TRIM32: variants seen among roughly 807,000 people sequenced by gnomAD.
TRIM32 encodes E3 ubiquitin-protein ligase TRIM32.
In TRIM32, 19 loss-of-function variants were observed where a neutral mutation model predicts 36.0. The ratio of observed to expected loss-of-function variants is 0.53; its 90% CI spans 0.37 to 0.77. The LOEUF is 0.77. Ranked by LOEUF, TRIM32 falls within the 30% of genes least tolerant of loss-of-function variation. TRIM32 has a pLI of 0.00. For missense variants in TRIM32, 747 were observed against 845.2 expected, an observed-to-expected ratio of 0.88 and a Z score of 1.44; for synonymous variants, 309 against 318.5, an observed-to-expected ratio of 0.97 and a Z score of 0.32.
intron 1 of TRIM32, among the ~76,000 whole-genome samples, chr9:116,696,950 T>TAAAAAAAAAAAA (rs11400163): frequency 7.3e-6 from 1 of 137,124 alleles, no homozygotes; most frequent in African/African-American, 2.7e-5. Context: ...GTGACATGAT[T>TAAAAAAAAAAAA]AAAAAAAAAA....
At position 116,701,272 on chromosome 9, in the gene TRIM32, A is replaced by G. The variant is rs1407071370; in HGVS notation, c.*1568A>G. The stretch of plus-strand genomic sequence containing the variant: ...CATAATAGCTGCCAAAGGATAGGTA[A>G]AGAGGTCATTAAAATGATGTTGAAC... On this transcript the variant is annotated 3_prime_UTR_variant, in exon 2 of 2. Coordinates refer to ENST00000450136, the MANE Select transcript of TRIM32 (RefSeq NM_012210.4). 6.0e-6 allele frequency: 1 copy of G among 167,082 alleles called. No individual in the cohort carries two copies. The highest frequency in any genetic ancestry group is 1.5e-5 in the Non-Finnish European group (1 of 68,128). The allele number at this position is 167,082 out of a possible 1,614,324, so 10.3% of individuals were successfully genotyped here. A position where few individuals can be genotyped will look rare whatever the true frequency, so the allele number is the denominator to read the frequency against.
Position 116,699,163 on chromosome 9 carries a change from G to A in TRIM32, c.1421G>A (p.Gly474Asp). Reference sequence around the variant, plus strand: ...AGGAGCCAGCTGAGCAAACCATGGGGTATCACAGCCTTGCCATCTGGCCAG... The same window carrying A: ...AGGAGCCAGCTGAGCAAACCATGGGATATCACAGCCTTGCCATCTGGCCAG... ...CHRSQLSKPW[G>D]ITALPSGQFV... The change falls in exon 2 of 2, where the codon GGT becomes GAT. Residue 474 changes from glycine (G) to aspartate (D), a missense_variant. Transcript: ENST00000450136. This position sits in a 1 kb window ranked among gnomAD's most constrained non-coding sequence, Gnocchi z 4.2. 1 of 1,614,256 alleles carries A rather than the reference G, an allele frequency of 6.2e-7. No individual in the cohort carries two copies. The highest frequency in any genetic ancestry group is 8.5e-7 in the Non-Finnish European group (1 of 1,180,040).
Position 116,697,877 on chromosome 9 carries a change from C to G in TRIM32, c.135C>G (p.Arg45=), listed in dbSNP as rs1378577845. The change falls in exon 2 of 2, where the codon CGC becomes CGG. Residue 45 remains arginine (R), a synonymous_variant. Transcript: ENST00000450136. ...KLLHCGHTIC[R]QCLEKLLASS... is the part of the protein sequence containing the mutation. ...TGCACTGTGGCCATACCATCTGCCG[C>G]CAGTGCCTGGAGAAGCTATTGGCCA... 1 of 1,614,080 alleles carries G rather than the reference C, an allele frequency of 6.2e-7. No individual in the cohort carries two copies. The highest frequency in any genetic ancestry group is 2.2e-5 in the East Asian group (1 of 44,886).
chr9:116,698,993 T>A lies in TRIM32; in HGVS notation c.1251T>A (p.Phe417Leu). The change falls in exon 2 of 2, where the codon TTT becomes TTA. Residue 417 changes from phenylalanine (F) to leucine (L), a missense_variant. Physicochemically the swap from Phe to Leu is conservative, Grantham distance 22. Transcript: ENST00000450136. The surrounding 1 kb of genome is among the most constrained non-coding windows in gnomAD (Gnocchi z 4.4). ...GCAGCCCCAGTGGCATTGATAGCTT[T>A]GTGCTAAGCTTCCTTGGGGCAGATC... ...IRRSPSGIDS[F>L]VLSFLGADLP... The A allele has an allele frequency of 6.2e-7, 1 of 1,614,144 alleles. No individual in the cohort carries two copies.
At position 116,698,155 on chromosome 9, in the gene TRIM32, T is replaced by C. The variant is rs918796736; in HGVS notation, c.413T>C (p.Val138Ala). Residue 138 changes from valine to alanine, a missense_variant, in exon 2 of 2, where the codon GTC (valine) becomes GCC (alanine). Transcript: ENST00000450136. This position sits in a 1 kb window ranked among gnomAD's most constrained non-coding sequence, Gnocchi z 4.4. ...HQPPGHCTLP[V>A]KEAAEERRRD... ...CCTCCTGGCCACTGTACACTCCCTG[T>C]CAAAGAAGCAGCTGAGGAGCGGCGT... 6.2e-7 allele frequency: 1 copy of C among 1,613,998 alleles called. No homozygotes were observed. The highest frequency in any genetic ancestry group is 8.5e-7 in the Non-Finnish European group (1 of 1,180,030).
chr9:116,699,115 A>G lies in TRIM32; in HGVS notation c.1373A>G (p.Asp458Gly). The change falls in exon 2 of 2, where the codon GAT becomes GGT. Residue 458 changes from aspartate (D) to glycine (G), a missense_variant. By Grantham distance (94) the Asp-to-Gly change is moderately conservative. Transcript: ENST00000450136. This position sits in a 1 kb window ranked among gnomAD's most constrained non-coding sequence, Gnocchi z 4.2. Reference protein sequence around the residue: ...YDNSLKVYTLDGHCVACHRSQ... With the variant: ...YDNSLKVYTLGGHCVACHRSQ... ...AACTCCCTCAAGGTATATACCTTGG[A>G]TGGCCACTGCGTGGCCTGTCACAGG... 6.2e-7 allele frequency: 1 copy of G among 1,614,040 alleles called. No individual in the cohort carries two copies. The highest frequency in any genetic ancestry group is 8.5e-7 in the Non-Finnish European group (1 of 1,179,982).
chr9:116,695,233 C>T (rs1477517922), intron 1 of TRIM32, among the ~76,000 whole-genome samples: 1 of 152,156 alleles, frequency 6.6e-6, no homozygotes, highest in East Asian at 1.9e-4. Flanking sequence ...TTCGTTTCCT[C>T]ATCTGTAAAA....
chr9:116,694,387 T>C (rs803936), intron 1 of TRIM32, among the ~76,000 whole-genome samples: 142,376 of 151,528 alleles, frequency 0.94, 66,962 homozygotes, highest in African/African-American at 0.98. Context: ...TTGTCCCAGA[T>C]GATAGAAGAG....
Position 116,695,311 on chromosome 9 carries a change from G to C in TRIM32, c.-81-2351G>C, listed in dbSNP as rs1339516609. On this transcript the variant is annotated intron_variant, in intron 1 of 1. Transcript: ENST00000450136. ...GATTAAAAGAGATTAAGCATATAAA[G>C]TATCTGTCATAGTAACTAGCATATA... Among the ~76,000 whole-genome samples the C allele has an allele frequency of 2.0e-5, 3 of 152,240 alleles. No individual in the cohort carries two copies. In the East Asian group the frequency reaches 5.8e-4, roughly 29 times the overall value.
chr9:116,698,902 T>C lies in TRIM32; in HGVS notation c.1160T>C (p.Val387Ala), dbSNP rs766074937. The change falls in exon 2 of 2, where the codon GTC becomes GCC. Residue 387 changes from valine (V) to alanine (A), a missense_variant. Coordinates refer to ENST00000450136, the MANE Select transcript of TRIM32 (RefSeq NM_012210.4). This position sits in a 1 kb window ranked among gnomAD's most constrained non-coding sequence, Gnocchi z 4.4. The part of the protein sequence containing the change: ...LYVTSQGEVL[V>A]ADRGNYRIQV... Reference sequence around the variant, plus strand: ...GTGACCAGTCAAGGTGAAGTACTAGTCGCTGACCGTGGTAACTATCGTATA... The same window carrying C: ...GTGACCAGTCAAGGTGAAGTACTAGCCGCTGACCGTGGTAACTATCGTATA... The C allele has an allele frequency of 6.2e-7, 1 of 1,614,220 alleles. No homozygotes were observed. The highest frequency in any genetic ancestry group is 2.2e-5 in the East Asian group (1 of 44,864).
At chr9:116,690,402 A>G (rs1860505839) in intron 1 of TRIM32, among the ~76,000 whole-genome samples, 1 of 152,184 alleles carries the variant, frequency 6.6e-6, no homozygotes, top group Non-Finnish European at 1.5e-5. Context: ...CCTATGTTAC[A>G]TTATAGTAGT....
Position 116,699,725 on chromosome 9 carries a change from T to A in TRIM32, c.*21T>A. On this transcript the variant is annotated 3_prime_UTR_variant, in exon 2 of 2. Coordinates refer to ENST00000450136, the MANE Select transcript of TRIM32 (RefSeq NM_012210.4). The surrounding 1 kb of genome is among the most constrained non-coding windows in gnomAD (Gnocchi z 4.2). Reference sequence around the variant, plus strand: ...CATAGGGGATGAGAAATTATCAGTTTCTTCTGCTCCCAAGCCAACTTCCCT... The same window carrying A: ...CATAGGGGATGAGAAATTATCAGTTACTTCTGCTCCCAAGCCAACTTCCCT... 1 of 1,614,206 alleles carries A rather than the reference T, an allele frequency of 6.2e-7. No individual in the cohort carries two copies. Among genetic ancestry groups the A allele is most frequent in the Non-Finnish European group, 8.5e-7 (1 of 1,180,050 alleles).
chr9:116,687,518 G>GA, intron 1 of TRIM32, 137 bp downstream of exon 1: 1 of 146,440 alleles, frequency 6.8e-6, no homozygotes, highest in East Asian at 2.1e-4. Flanking sequence ...CGGATCTGGG[G>GA]GGGGCAGGAC....
chr9:116,695,055 A>G (rs140296854), intron 1 of TRIM32, among the ~76,000 whole-genome samples: 5 of 152,270 alleles, frequency 3.3e-5, no homozygotes, highest in African/African-American at 7.2e-5. Flanking sequence ...TGCGTATGCT[A>G]TAAGGCAGCA....
chr9:116,692,172 A>G (rs1337101042), intron 1 of TRIM32, among the ~76,000 whole-genome samples: 1 of 152,248 alleles, frequency 6.6e-6, no homozygotes, highest in Non-Finnish European at 1.5e-5. Flanking sequence ...GGAGATATCT[A>G]GAGAACCACC....
chr9:116,698,104 A>AG lies in TRIM32; in HGVS notation c.363dup (p.Pro122AlafsTer22). On this transcript the variant is annotated frameshift_variant, in exon 2 of 2. Coordinates refer to ENST00000450136, the MANE Select transcript of TRIM32 (RefSeq NM_012210.4). LOFTEE classifies it high-confidence loss of function. The surrounding 1 kb of genome is among the most constrained non-coding windows in gnomAD (Gnocchi z 4.4). ...CGGAGCTGTGGTTTGGTGTTATGTGAGCCCTGCCGGGAGGCAGACCATCAG... is the reference window on the plus strand; with the variant it reads ...CGGAGCTGTGGTTTGGTGTTATGTGAGGCCCTGCCGGGAGGCAGACCATCAG... 6.2e-7 allele frequency: 1 copy of AG among 1,614,096 alleles called. No individual in the cohort carries two copies. The highest frequency in any genetic ancestry group is 8.5e-7 in the Non-Finnish European group (1 of 1,180,032).
chr9:116,688,611 G>A (rs932863177), intron 1 of TRIM32, among the ~76,000 whole-genome samples: 1 of 151,910 alleles, frequency 6.6e-6, no homozygotes, highest in African/African-American at 2.4e-5. Flanking sequence ...GTATGGTATT[G>A]CCACTAACTC....
At chr9:116,691,845 GA>G (rs1860583690) in intron 1 of TRIM32, among the ~76,000 whole-genome samples, 1 of 152,082 alleles carries the variant, frequency 6.6e-6, no homozygotes, top group Admixed American at 6.5e-5. Context: ...AATGCATGAG[GA>G]ATAAAGTTTA....
At chr9:116,688,288 GAA>G (rs1482710466) in intron 1 of TRIM32, among the ~76,000 whole-genome samples, 2 of 152,072 alleles carry the variant, frequency 1.3e-5, no homozygotes, top group African/African-American at 4.8e-5. Flanking sequence ...GGAGAGGATT[GAA>G]TCGTGGGGTG....
Sources: gnomAD v4.1 joint callset for allele counts (sites outside exome capture counted in the v4.1 genomes callset) on GRCh38, gnomAD v4.1.1 for gene constraint, Gnocchi (gnomAD v3.1) non-coding constraint, MANE v1.5 for transcripts, NCBI Gene and HGNC (gene_info 2026-07-23, HGNC 2026-07-21) for gene names.